METTL2A: variants seen among roughly 807,000 people sequenced by gnomAD.
The protein encoded by METTL2A is methyltransferase 2A, tRNA N3-cytidine.
In METTL2A, 45 loss-of-function variants were observed where a neutral mutation model predicts 49.4. The ratio of observed to expected loss-of-function variants is 0.91; its 90% CI spans 0.72 to 1.17. The LOEUF (loss-of-function observed/expected upper bound fraction) is 1.17. Among genes scored for constraint, METTL2A ranks in the 50% most tolerant of loss-of-function variants. The pLI, the probability that METTL2A is intolerant of heterozygous loss-of-function variation, is 0.00. For missense variants in METTL2A, 361 were observed against 462.2 expected (o/e 0.78, Z 2.01); for synonymous variants, 118 against 167.5 (o/e 0.70, Z 2.28).
intron 5 of METTL2A, among the ~76,000 whole-genome samples, chr17:62,436,807 C>T (rs1457020537): frequency 1.3e-5 from 2 of 152,060 alleles, no homozygotes; most frequent in African/African-American, 2.4e-5. Context: ...AAGATTTCTC[C>T]GTAGCATGCG....
Position 62,449,071 on chromosome 17 carries a change from G to A in METTL2A, c.*342G>A, listed in dbSNP as rs1389689242. 2 of 231,324 alleles carry A rather than the reference G, an allele frequency of 8.6e-6. No homozygotes were observed. Among genetic ancestry groups the A allele is most frequent in the Non-Finnish European group, 1.7e-5 (2 of 118,866 alleles). The allele number at this position is 231,324 out of a possible 1,614,324, so 14.3% of individuals were successfully genotyped here. A position where few individuals can be genotyped will look rare whatever the true frequency, so the allele number is the denominator to read the frequency against. On this transcript the variant is annotated 3_prime_UTR_variant, in exon 9 of 9. Coordinates refer to ENST00000311506, the MANE Select transcript of METTL2A (RefSeq NM_181725.4). Reference sequence around the variant, plus strand: ...GTCCTTTAAAACATAATTTTCTCAAGTTCTTTCTTTGAGATCTCAATCTGT... The same window carrying A: ...GTCCTTTAAAACATAATTTTCTCAAATTCTTTCTTTGAGATCTCAATCTGT...
At chr17:62,430,970 A>T in intron 4 of METTL2A, among the ~76,000 whole-genome samples, 1 of 152,164 alleles carries the variant, frequency 6.6e-6, no homozygotes, top group Non-Finnish European at 1.5e-5. Flanking sequence ...GGATCAAGCA[A>T]TTCTCCTGCC....
intron 5 of METTL2A, among the ~76,000 whole-genome samples, chr17:62,436,268 G>A (rs1196570242): frequency 6.6e-6 from 1 of 150,926 alleles, no homozygotes; most frequent in Non-Finnish European, 1.5e-5. Context: ...ATTATTGGTC[G>A]GCCACAATGG....
At chr17:62,446,669 T>G (rs1598038055) in intron 7 of METTL2A, among the ~76,000 whole-genome samples, 1 of 152,174 alleles carries the variant, frequency 6.6e-6, no homozygotes, top group East Asian at 1.9e-4. Context: ...TTTTTGAATA[T>G]AGTCAAGAAC....
intron 5 of METTL2A, among the ~76,000 whole-genome samples, chr17:62,437,968 T>A (rs1220609825): frequency 3.6e-5 from 5 of 140,670 alleles, no homozygotes; most frequent in Non-Finnish European, 7.5e-5. Flanking sequence ...CAAGACTCCA[T>A]CTCAAAAAAA....
chr17:62,434,200 G>C (rs1379148800), intron 4 of METTL2A, among the ~76,000 whole-genome samples: 3 of 152,176 alleles, frequency 2.0e-5, no homozygotes, highest in African/African-American at 4.8e-5. Context: ...ATGATGGTCA[G>C]TAGCCACGTG....
At chr17:62,446,338 T>A (rs1195878839) in intron 7 of METTL2A, among the ~76,000 whole-genome samples, 1 of 150,430 alleles carries the variant, frequency 6.6e-6, no homozygotes, top group African/African-American at 2.5e-5. Flanking sequence ...TGAGACGGAG[T>A]CTCGCTCTGT....
chr17:62,449,244 G>T lies in METTL2A; in HGVS notation c.*515G>T. 3.7e-6 allele frequency: 1 copy of T among 267,350 alleles called. No homozygotes were observed. 16.6% of individuals were successfully genotyped at this position (267,350 alleles called of 1,614,324 possible). Reference sequence around the variant, plus strand: ...TAAATCTTTTGAGAATGTAAATGCCGGGCTAGGCAATTGCAGTTAATACAT... The same window carrying T: ...TAAATCTTTTGAGAATGTAAATGCCTGGCTAGGCAATTGCAGTTAATACAT... On this transcript the variant is annotated 3_prime_UTR_variant, in exon 9 of 9. Coordinates refer to ENST00000311506, the MANE Select transcript of METTL2A (RefSeq NM_181725.4).
At chr17:62,424,516 T>A (rs562233412) in intron 2 of METTL2A, among the ~76,000 whole-genome samples, 10 of 152,274 alleles carry the variant, frequency 6.6e-5, no homozygotes, top group South Asian at 2.1e-4. Flanking sequence ...AGGGTTTTTT[T>A]ATATATAGTT....
chr17:62,446,212 G>GGCGT (rs1306794099), intron 7 of METTL2A, among the ~76,000 whole-genome samples: 4 of 152,160 alleles, frequency 2.6e-5, no homozygotes, highest in Admixed American at 2.0e-4. Context: ...GGAGTGCAAT[G>GGCGT]GCGTGATCTC....
At chr17:62,447,999 C>G (rs1283433559) in intron 8 of METTL2A, among the ~76,000 whole-genome samples, 4 of 152,200 alleles carry the variant, frequency 2.6e-5, no homozygotes, top group Non-Finnish European at 4.4e-5. Context: ...CTGCTCTGCT[C>G]TCCCTGTCTG....
intron 2 of METTL2A, among the ~76,000 whole-genome samples, 180 bp from the exon 3 acceptor site, chr17:62,426,119 G>C (rs1363063915): frequency 6.6e-6 from 1 of 152,190 alleles, no homozygotes; most frequent in Non-Finnish European, 1.5e-5. Flanking sequence ...GGGCATTAGG[G>C]TATAATGCCA....
chr17:62,427,659 C>A (rs1015820477), intron 3 of METTL2A, 129 bp from the exon 4 acceptor site: 2 of 1,405,470 alleles, frequency 1.4e-6, no homozygotes, highest in African/African-American at 2.9e-5. Flanking sequence ...TACTGTTTAG[C>A]TCTGGTCACT....
chr17:62,429,589 CCTGCTGAGGAAATTCTTAAGGTTTT>C (rs1472863241), intron 4 of METTL2A, among the ~76,000 whole-genome samples: 13 of 152,068 alleles, frequency 8.5e-5, no homozygotes, highest in Non-Finnish European at 7.4e-5. Flanking sequence ...CCGCGCCCAG[CCTGCTGAGGAAATTCTTAAGGTTTT>C]TGGAACTCTG....
At chr17:62,447,851 T>C in intron 8 of METTL2A, 85 bp downstream of exon 8, 6 of 1,589,232 alleles carry the variant, frequency 3.8e-6, no homozygotes, top group Non-Finnish European at 5.2e-6. Flanking sequence ...GAAAACTATC[T>C]GGTCCCTCCT....
intron 5 of METTL2A, among the ~76,000 whole-genome samples, chr17:62,437,576 A>G (rs2070709215): frequency 3.9e-5 from 6 of 152,126 alleles, no homozygotes; most frequent in Admixed American, 2.6e-4. Flanking sequence ...AGTTAACACA[A>G]CCTAGCTGAT....
chr17:62,439,202 A>G (rs2070721587), intron 5 of METTL2A, among the ~76,000 whole-genome samples: 1 of 150,990 alleles, frequency 6.6e-6, no homozygotes, highest in African/African-American at 2.4e-5. Flanking sequence ...GCTGGTTTTG[A>G]ACTCCTGACC....
Position 62,440,699 on chromosome 17 carries a change from A to C in METTL2A, c.752A>C (p.Lys251Thr), listed in dbSNP as rs1598035407. ...GAAGAGAAGAGTTACCCAGTGCCCAAGGGCAGTCTTGATATTATCATTCTC... is the reference window on the plus strand; with the variant it reads ...GAAGAGAAGAGTTACCCAGTGCCCACGGGCAGTCTTGATATTATCATTCTC... ...CDEEKSYPVP[K>T]GSLDIIILIF... The change falls in exon 6 of 9, where the codon AAG becomes ACG. Residue 251 changes from lysine (K) to threonine (T), a missense_variant. Physicochemically the swap from Lys to Thr is moderately conservative, Grantham distance 78 (BLOSUM62 -1). Around this residue, in one of 3 missense-constraint regions of METTL2A, gnomAD observed 183 missense variants for 216.5 expected, o/e 0.85. Transcript: ENST00000311506. The C allele has an allele frequency of 1.2e-6, 2 of 1,614,094 alleles. No homozygotes were observed. Among genetic ancestry groups the C allele is most frequent in the African/African-American group, 2.7e-5 (2 of 75,034 alleles).
rs192572404 is a variant in METTL2A at position 62,439,072 on chromosome 17, A to G, written c.670-1545A>G. Among the ~76,000 whole-genome samples the G allele has an allele frequency of 4.9e-3, 685 of 138,628 alleles. 4 individuals carry two copies. The highest frequency in any genetic ancestry group is 0.018 in the African/African-American group (648 of 36,700). The allele number at this position is 138,628 out of a possible 152,430, so 90.9% of individuals were successfully genotyped here. A position where few individuals can be genotyped will look rare whatever the true frequency, so the allele number is the denominator to read the frequency against. On this transcript the variant is annotated intron_variant, in intron 5 of 8. Coordinates refer to ENST00000311506, the MANE Select transcript of METTL2A (RefSeq NM_181725.4). ...TGGCTCACTGCAACCTCCGCCTCCC[A>G]GGTTCAAGCGATTCTCCTGCCTCAG...
Sources: gnomAD v4.1 joint callset for allele counts (sites outside exome capture counted in the v4.1 genomes callset) on GRCh38, gnomAD v4.1.1 for gene constraint, gnomAD v4.1.1 regional missense constraint, MANE v1.5 for transcripts, NCBI Gene and HGNC (gene_info 2026-07-23, HGNC 2026-07-21) for gene names.